The following ANKS1B variants were observed in gnomAD, a reference collection of about 807,000 sequenced individuals.
The protein encoded by ANKS1B is ankyrin repeat and sterile alpha motif domain-containing protein 1B.
In ANKS1B, 36 loss-of-function variants were observed where a neutral mutation model predicts 148.3. That is an observed-to-expected ratio of 0.24 (90% CI 0.19 to 0.32). ANKS1B has a LOEUF of 0.32. Ranked by LOEUF, ANKS1B falls within the 10% of genes least tolerant of loss-of-function variation. ANKS1B has a pLI of 1.00. For synonymous variants in ANKS1B, 542 were observed against 560.8 expected, an observed-to-expected ratio of 0.97 and a Z score of 0.47; for missense variants, 1,157 against 1,542.6, an observed-to-expected ratio of 0.75 and a Z score of 4.19.
chr12:99,084,001 C>T (rs2050748267), intron 16 of ANKS1B: 1 of 152,138 alleles, frequency 6.6e-6, no homozygotes, highest in Non-Finnish European at 1.5e-5. Flanking sequence ...ACTTTGACAC[C>T]TTATCTGGAA....
At chr12:98,816,471 T>C (rs2099141576) in intron 19 of ANKS1B, among the ~76,000 whole-genome samples, 1 of 152,110 alleles carries the variant, frequency 6.6e-6, no homozygotes, top group Non-Finnish European at 1.5e-5. Flanking sequence ...AATTTTTGTA[T>C]TTTTAGTAGA....
At chr12:98,821,453 C>A (rs2099189931) in intron 19 of ANKS1B, among the ~76,000 whole-genome samples, 1 of 152,150 alleles carries the variant, frequency 6.6e-6, no homozygotes, top group African/African-American at 2.4e-5. Flanking sequence ...TAAAACCACC[C>A]CTGGTGTGGG....
At chr12:99,786,741 TA>T (rs1300540317) in intron 4 of ANKS1B, among the ~76,000 whole-genome samples, 1 of 152,086 alleles carries the variant, frequency 6.6e-6, no homozygotes, top group Non-Finnish European at 1.5e-5. Context: ...AAAGCAGATA[TA>T]AATCCCCTCT....
intron 17 of ANKS1B, among the ~76,000 whole-genome samples, chr12:99,051,684 A>G (rs2099966191): frequency 6.6e-6 from 1 of 152,266 alleles, no homozygotes; most frequent in Non-Finnish European, 1.5e-5. Context: ...CTCTTCTGAA[A>G]TAATGATAGC....
chr12:99,460,211 CA>C (rs987623554), intron 10 of ANKS1B, among the ~76,000 whole-genome samples: 1 of 152,010 alleles, frequency 6.6e-6, no homozygotes, highest in African/African-American at 2.4e-5. Context: ...ATTGGCAAGC[CA>C]CGTAAAAGAA....
rs960309017 is a variant in ANKS1B, at chr12:99,272,587, A to G, written c.1757-25723T>C. 1.2e-4 allele frequency among the ~76,000 whole-genome samples: 18 copies of G among 152,214 alleles called. 1 individual carries two copies. Among genetic ancestry groups the G allele is most frequent in the Admixed American group, 8.5e-4 (13 of 15,282 alleles). On this transcript the variant is annotated intron_variant, in intron 12 of 26. Transcript: ENST00000683438. Reference sequence around the variant, plus strand: ...CTGTACACAGGTATCAAAATATTACATGTAGCCCCAAAATATGTACAGCTA... The same window carrying G: ...CTGTACACAGGTATCAAAATATTACGTGTAGCCCCAAAATATGTACAGCTA...
intron 17 of ANKS1B, among the ~76,000 whole-genome samples, chr12:99,004,039 C>A (rs1415264399): frequency 6.6e-6 from 1 of 152,196 alleles, no homozygotes; most frequent in Non-Finnish European, 1.5e-5. Context: ...ACAGATGACA[C>A]TACCCTCTCT....
intron 21 of ANKS1B, among the ~76,000 whole-genome samples, chr12:98,800,431 C>G (rs1350512619): frequency 6.6e-6 from 1 of 152,018 alleles, no homozygotes; most frequent in East Asian, 1.9e-4. Context: ...AGACAACCAC[C>G]ACCTGACCCA....
chr12:98,791,667 C>G (rs1232185690), intron 22 of ANKS1B, among the ~76,000 whole-genome samples: 2 of 152,176 alleles, frequency 1.3e-5, no homozygotes, highest in Non-Finnish European at 2.9e-5. Context: ...AAGTGATCCT[C>G]CTGACTCAGC....
chr12:99,666,047 T>C (rs4986689), intron 8 of ANKS1B, among the ~76,000 whole-genome samples: 18,656 of 152,192 alleles, frequency 0.12, 1,765 homozygotes, highest in East Asian at 0.46. Context: ...TAAGTAGAAG[T>C]AGTCAGCCCC....
At chr12:99,112,447 T>A (rs1172143597) in intron 15 of ANKS1B, among the ~76,000 whole-genome samples, 1 of 151,846 alleles carries the variant, frequency 6.6e-6, no homozygotes, top group Non-Finnish European at 1.5e-5. Context: ...AATAGATGCT[T>A]ATCTCTTTCT....
intron 15 of ANKS1B, among the ~76,000 whole-genome samples, chr12:99,132,608 C>T (rs1336932780): frequency 5.9e-5 from 9 of 151,762 alleles, no homozygotes; most frequent in Non-Finnish European, 1.3e-4. Flanking sequence ...AACATAGTGG[C>T]CAAAAAAAGG....
intron 9 of ANKS1B, among the ~76,000 whole-genome samples, chr12:99,588,821 T>C (rs1183221639): frequency 6.6e-6 from 1 of 152,244 alleles, no homozygotes; most frequent in Non-Finnish European, 1.5e-5. Context: ...TTTAGTGCCA[T>C]GATAACTGCC....
intron 17 of ANKS1B, among the ~76,000 whole-genome samples, chr12:98,867,799 T>C (rs2099632702): frequency 6.6e-6 from 1 of 151,620 alleles, no homozygotes; most frequent in African/African-American, 2.4e-5. Flanking sequence ...GAGGAGGAGC[T>C]TGCAGTGAGC....
chr12:98,817,591 C>T (rs2099151900), intron 19 of ANKS1B, among the ~76,000 whole-genome samples: 1 of 152,248 alleles, frequency 6.6e-6, no homozygotes, highest in African/African-American at 2.4e-5. Context: ...TTTTGAGATA[C>T]ACACTCAGTC....
intron 11 of ANKS1B, among the ~76,000 whole-genome samples, chr12:99,432,763 G>A (rs1238738923): frequency 6.6e-6 from 1 of 152,118 alleles, no homozygotes; most frequent in Non-Finnish European, 1.5e-5. Context: ...CTGGGAGAAG[G>A]GCTTTCCAGA....
At chr12:99,035,028 T>C (rs2099954644) in intron 17 of ANKS1B, among the ~76,000 whole-genome samples, 1 of 152,120 alleles carries the variant, frequency 6.6e-6, no homozygotes, top group South Asian at 2.1e-4. Context: ...TGGAAGGTGT[T>C]GGGGCTTAGA....
At chr12:99,607,707 T>C (rs1489352912) in intron 9 of ANKS1B, among the ~76,000 whole-genome samples, 1 of 152,134 alleles carries the variant, frequency 6.6e-6, no homozygotes, top group Admixed American at 6.5e-5. Context: ...AGACTTTTCA[T>C]GGGACCAGTT....
intron 17 of ANKS1B, among the ~76,000 whole-genome samples, chr12:99,047,276 T>G (rs1316560207): frequency 1.3e-5 from 2 of 152,110 alleles, no homozygotes; most frequent in Non-Finnish European, 2.9e-5. Flanking sequence ...GTCGCATGCC[T>G]GCAGTCCCAG....
Sources: gnomAD v4.1 joint callset for allele counts (sites outside exome capture counted in the v4.1 genomes callset) on GRCh38, gnomAD v4.1.1 for gene constraint, MANE v1.5 for transcripts, NCBI Gene and HGNC (gene_info 2026-07-23, HGNC 2026-07-21) for gene names.